SRPRA: variants seen among roughly 807,000 people sequenced by gnomAD.
The protein encoded by SRPRA is signal recognition particle receptor subunit alpha.
SRPRA carries 30 observed loss-of-function variants against 61.1 expected under a neutral mutation model. The ratio of observed to expected loss-of-function variants is 0.49; its 90% CI spans 0.37 to 0.67. SRPRA has a LOEUF of 0.67. SRPRA is among the 30% of genes least tolerant of loss of function. The pLI is 0.00. For synonymous variants in SRPRA, 324 were observed against 299.7 expected, an observed-to-expected ratio of 1.08 and a Z score of -0.84; for missense variants, 759 against 828.4, an observed-to-expected ratio of 0.92 and a Z score of 1.03.
downstream of SRPRA, chr11:126,261,253 A>G: frequency 1.7e-6 from 1 of 595,494 alleles, no homozygotes; most frequent in Non-Finnish European, 3.0e-6. Context: ...AAGTCTAAAG[A>G]CTACTCCAGT....
rs776250809 is a variant in SRPRA at position 126,268,796 on chromosome 11, G to A, written c.9C>T (p.Asp3=). Residue 3 remains aspartate (D), a synonymous_variant, in exon 1 of 14, where the codon GAC becomes GAT. Transcript: ENST00000332118. ...CGCCCTTGGAGAAAATGGTGAAGAA[G>A]TCGAGCATGGCGGCAGCGGCAGAGG... ML[D]FFTIFSKGGL... is the part of the protein sequence containing the mutation. 13 of 1,613,384 alleles carry A rather than the reference G, an allele frequency of 8.1e-6. No homozygotes were observed. The highest frequency in any genetic ancestry group is 1.3e-5 in the African/African-American group (1 of 74,950).
the SRPRA span, chr11:126,241,252 G>A: frequency 2.6e-5 from 12 of 457,704 alleles, no homozygotes; most frequent in East Asian, 3.7e-4. Flanking sequence ...ATTTCACTGT[G>A]TGTCTATGAG....
At chr11:126,256,588 G>T in the SRPRA span, 1 of 1,613,808 alleles carries the variant, frequency 6.2e-7, no homozygotes, top group Non-Finnish European at 8.5e-7. The surrounding 1 kb of genome is among the most constrained non-coding windows in gnomAD (Gnocchi z 6.6). Context: ...GAAACTCTAC[G>T]AAAACAAGTC....
At chr11:126,243,950 A>G in the SRPRA span, among the ~76,000 whole-genome samples, 5 of 152,220 alleles carry the variant, frequency 3.3e-5, no homozygotes, top group Non-Finnish European at 7.4e-5. Flanking sequence ...CATCATATCA[A>G]TAGGATAAAA....
Position 126,265,520 on chromosome 11 carries a change from AGGG to A in SRPRA, c.1139-83_1139-81del, listed in dbSNP as rs1950791904. The A allele has an allele frequency of 2.7e-6, 4 of 1,487,906 alleles. No homozygotes were observed. In the African/African-American group the frequency reaches 4.2e-5, roughly 16 times the overall value. The allele number at this position is 1,487,906 out of a possible 1,614,324, so 92.2% of individuals were successfully genotyped here. ...AAATGCCTAACACCTTTCTGAGCTA[AGGG>A]GACTAAAACAGTAAATTAGACTCTT... On this transcript the variant is annotated intron_variant, in intron 9 of 13. Transcript: ENST00000332118. This position sits in a 1 kb window ranked among gnomAD's most constrained non-coding sequence, Gnocchi z 6.3.
At chr11:126,248,842 C>T in the SRPRA span, among the ~76,000 whole-genome samples, 5 of 152,130 alleles carry the variant, frequency 3.3e-5, no homozygotes, top group African/African-American at 1.2e-4. Flanking sequence ...GTTAGGGGAC[C>T]AGTCCAAACC....
rs1351450807 is a variant in SRPRA, at chr11:126,265,894, C to T, written c.1051+69G>A. 11 of 1,610,548 alleles carry T rather than the reference C, an allele frequency of 6.8e-6. No individual in the cohort carries two copies. The highest frequency in any genetic ancestry group is 1.7e-5 in the Admixed American group (1 of 59,994). On this transcript the variant is annotated intron_variant, in intron 8 of 13. Transcript: ENST00000332118. The surrounding 1 kb of genome is among the most constrained non-coding windows in gnomAD (Gnocchi z 6.3). The stretch of plus-strand genomic sequence containing the variant: ...CAATCTTTATGGTACAGGTGAGAAA[C>T]GCTAGGTGATTCTGCTCTCAACTAC...
At position 126,264,104 on chromosome 11, in the gene SRPRA, G is replaced by T; in HGVS notation, c.1789-60C>A. 1 of 1,613,190 alleles carries T rather than the reference G, an allele frequency of 6.2e-7. No homozygotes were observed. Among genetic ancestry groups the T allele is most frequent in the Admixed American group, 1.7e-5 (1 of 59,974 alleles). On this transcript the variant is annotated intron_variant, in intron 13 of 13. Transcript: ENST00000332118. The surrounding 1 kb of genome is among the most constrained non-coding windows in gnomAD (Gnocchi z 5.0). ...GCCCACTTTTCACTCACCCTCTCAG[G>T]AACAGGAAGCGCTGGAGCCAAGATT...
downstream of SRPRA, among the ~76,000 whole-genome samples, chr11:126,258,889 A>G (rs1234988417): frequency 6.6e-6 from 1 of 152,272 alleles, no homozygotes; most frequent in African/African-American, 2.4e-5. Context: ...AGAAGCAGTA[A>G]GGTTCCTTAG....
rs1950835061 is a variant in SRPRA, at chr11:126,267,421, G to A, written c.366-86C>T. 1 of 1,589,506 alleles carries A rather than the reference G, an allele frequency of 6.3e-7. No homozygotes were observed. Among genetic ancestry groups the A allele is most frequent in the South Asian group, 1.1e-5 (1 of 88,382 alleles). Reference sequence around the variant, plus strand: ...AGAGAAAGGACTCTCACACCCAAGAGGACAATGAGAACTGGGTAGCAAATT... The same window carrying A: ...AGAGAAAGGACTCTCACACCCAAGAAGACAATGAGAACTGGGTAGCAAATT... On this transcript the variant is annotated intron_variant, in intron 3 of 13. Coordinates refer to ENST00000332118, the MANE Select transcript of SRPRA (RefSeq NM_003139.4). This position sits in a 1 kb window ranked among gnomAD's most constrained non-coding sequence, Gnocchi z 4.2.
chr11:126,243,469 A>G, the SRPRA span, among the ~76,000 whole-genome samples: 1 of 141,892 alleles, frequency 7.0e-6, no homozygotes, highest in Admixed American at 7.1e-5. Flanking sequence ...GTCTGCCTCT[A>G]AAAAAAAAAA....
At chr11:126,248,227 AT>A in the SRPRA span, among the ~76,000 whole-genome samples, 2 of 151,744 alleles carry the variant, frequency 1.3e-5, no homozygotes. Context: ...TTTGTTTGAA[AT>A]TGTATTTGTA....
chr11:126,255,925 C>T, the SRPRA span, among the ~76,000 whole-genome samples: 1 of 152,078 alleles, frequency 6.6e-6, no homozygotes, highest in Non-Finnish European at 1.5e-5. The surrounding 1 kb of genome is among the most constrained non-coding windows in gnomAD (Gnocchi z 4.6). Context: ...CACTGCACTC[C>T]AGCCTAGGTG....
chr11:126,250,843 AT>A, the SRPRA span: 3 of 795,536 alleles, frequency 3.8e-6, no homozygotes, highest in South Asian at 2.1e-5. This position sits in a 1 kb window ranked among gnomAD's most constrained non-coding sequence, Gnocchi z 5.1. Context: ...GAAAGGAAAA[AT>A]TTTTTCCCTG....
chr11:126,249,665 G>A, the SRPRA span, among the ~76,000 whole-genome samples: 3 of 147,188 alleles, frequency 2.0e-5, no homozygotes, highest in Non-Finnish European at 4.5e-5. Flanking sequence ...TGGCGGGGCG[G>A]AGGTTGCAGT....
the SRPRA span, among the ~76,000 whole-genome samples, chr11:126,239,651 C>A: frequency 3.9e-5 from 6 of 152,230 alleles, no homozygotes; most frequent in African/African-American, 1.2e-4. Context: ...GTAGCTGGGA[C>A]TACAGGTGTG....
At chr11:126,262,122 TGTAGTACATGAG>T, downstream of SRPRA, 1 of 1,614,140 alleles carries the variant, frequency 6.2e-7, no homozygotes, top group Admixed American at 1.7e-5. Flanking sequence ...CCCTACAGGC[TGTAGTACATGAG>T]CGAGCTAGAG....
downstream of SRPRA, chr11:126,262,007 A>G: frequency 1.1e-6 from 1 of 949,588 alleles, no homozygotes; most frequent in Admixed American, 2.5e-5. Flanking sequence ...AGATTCCTAG[A>G]ATCTCCTGTC....
At chr11:126,253,293 T>A in the SRPRA span, among the ~76,000 whole-genome samples, 1 of 152,188 alleles carries the variant, frequency 6.6e-6, no homozygotes, top group Admixed American at 6.5e-5. The surrounding 1 kb of genome is among the most constrained non-coding windows in gnomAD (Gnocchi z 5.1). Flanking sequence ...GTAGTCAGAA[T>A]GGGGCCTAGT....
Sources: gnomAD v4.1 joint callset for allele counts (sites outside exome capture counted in the v4.1 genomes callset) on GRCh38, gnomAD v4.1.1 for gene constraint, Gnocchi (gnomAD v3.1) non-coding constraint, MANE v1.5 for transcripts, NCBI Gene and HGNC (gene_info 2026-07-23, HGNC 2026-07-21) for gene names.